SMOC1: variants seen among roughly 807,000 people sequenced by gnomAD.
The protein encoded by SMOC1 is SPARC related modular calcium binding 1.
SMOC1 carries 22 observed loss-of-function variants against 56.3 expected under a neutral mutation model. The observed-to-expected ratio is 0.39, with a 90% CI of 0.28 to 0.56. The LOEUF (loss-of-function observed/expected upper bound fraction) is 0.56, where lower values mean the gene tolerates loss of function less well. SMOC1 is among the 20% of genes least tolerant of loss of function. The probability of loss-of-function intolerance (pLI) is 0.61; values close to 1 mark genes in which losing one functional copy is unlikely to be tolerated. For synonymous variants in SMOC1, 193 were observed against 215.0 expected (o/e 0.90, Z 0.89); for missense variants, 509 against 565.4 (o/e 0.90, Z 1.01).
intron 1 of SMOC1, among the ~76,000 whole-genome samples, chr14:69,892,716 C>A (rs1883996044): frequency 6.6e-6 from 1 of 152,130 alleles, no homozygotes; most frequent in African/African-American, 2.4e-5. Context: ...TCAGATTATT[C>A]TGAAGCAAAT....
chr14:69,921,436 C>T lies in SMOC1; in HGVS notation c.100-30702C>T, dbSNP rs548999362. Among the ~76,000 whole-genome samples, 329 of 152,296 alleles carry T rather than the reference C, an allele frequency of 2.2e-3. 1 individual carries two copies. The highest frequency in any genetic ancestry group is 7.7e-3 in the African/African-American group (318 of 41,562). On this transcript the variant is annotated intron_variant, in intron 1 of 11. Transcript: ENST00000361956. ...CTATAAAATTGAATGTTGAGTTCTT[C>T]CCTATTCTGGGCCAAGTTTTTCAGC...
Position 69,980,197 on chromosome 14 carries a change from G to A in SMOC1, c.526+2232G>A, listed in dbSNP as rs1468833327. Among the ~76,000 whole-genome samples the A allele has an allele frequency of 3.9e-5, 6 of 152,174 alleles. No homozygotes were observed. The South Asian group carries it at 8.3e-4, about 21-fold the overall frequency. ...GGTCAGCTTCCAGAGCCAAAAGAGG[G>A]TAGAGGAGCCTGGTTCCTCCAGGGG... On this transcript the variant is annotated intron_variant, in intron 5 of 11. Transcript: ENST00000361956.
At chr14:69,984,829 C>G (rs542292420) in intron 5 of SMOC1, among the ~76,000 whole-genome samples, 5 of 150,056 alleles carry the variant, frequency 3.3e-5, no homozygotes, top group African/African-American at 1.2e-4. Context: ...TGCACTCCAG[C>G]CTGGATGACA....
chr14:70,018,467 G>C (rs1885598819), intron 10 of SMOC1, among the ~76,000 whole-genome samples: 1 of 152,158 alleles, frequency 6.6e-6, no homozygotes, highest in Non-Finnish European at 1.5e-5. Flanking sequence ...CAGGTGCGTG[G>C]GAGGGTGTGC....
At chr14:69,898,414 A>G (rs1884152545) in intron 1 of SMOC1, among the ~76,000 whole-genome samples, 1 of 150,870 alleles carries the variant, frequency 6.6e-6, no homozygotes, top group African/African-American at 2.4e-5. Context: ...TTCCCATTAT[A>G]CATGTTATAC....
chr14:69,891,955 A>G (rs1883973161), intron 1 of SMOC1, among the ~76,000 whole-genome samples: 1 of 152,144 alleles, frequency 6.6e-6, no homozygotes, highest in African/African-American at 2.4e-5. Context: ...TTTCTTTTGT[A>G]AATTACCTGC....
chr14:69,899,692 C>T (rs2148501), intron 1 of SMOC1, among the ~76,000 whole-genome samples: 102,234 of 152,130 alleles, frequency 0.67, 39,074 homozygotes, highest in East Asian at 0.91. Flanking sequence ...GGTAGGGCTC[C>T]TGGAGGTAAA....
chr14:69,935,150 G>A (rs554394102), intron 1 of SMOC1, among the ~76,000 whole-genome samples: 9 of 152,236 alleles, frequency 5.9e-5, no homozygotes, highest in African/African-American at 1.7e-4. Context: ...TGGAACTTCT[G>A]TACTAAAATA....
intron 1 of SMOC1, among the ~76,000 whole-genome samples, chr14:69,901,257 C>G (rs1001576657): frequency 1.3e-5 from 2 of 152,214 alleles, no homozygotes; most frequent in African/African-American, 4.8e-5. Flanking sequence ...TGCCCTCTGA[C>G]CATCTTTGTT....
chr14:70,012,953 G>A (rs1019173618), intron 9 of SMOC1, among the ~76,000 whole-genome samples: 1 of 152,162 alleles, frequency 6.6e-6, no homozygotes, highest in Non-Finnish European at 1.5e-5. Context: ...TGACCACTGG[G>A]GGTTCTCTCC....
intron 1 of SMOC1, among the ~76,000 whole-genome samples, chr14:69,933,668 C>A (rs997964165): frequency 1.3e-5 from 2 of 152,214 alleles, no homozygotes; most frequent in South Asian, 4.1e-4. Context: ...CAGGTGCACA[C>A]CACCACGCCT....
intron 1 of SMOC1, among the ~76,000 whole-genome samples, chr14:69,938,447 T>C (rs752624703): frequency 2.0e-5 from 3 of 152,006 alleles, no homozygotes; most frequent in Non-Finnish European, 4.4e-5. Flanking sequence ...TCCCGTGTAG[T>C]GGCGTCGTGA....
chr14:69,883,499 A>G (rs1460865874), intron 1 of SMOC1, among the ~76,000 whole-genome samples: 1 of 152,210 alleles, frequency 6.6e-6, no homozygotes. Context: ...TTGTGTATAT[A>G]TACCATATTT....
At chr14:69,980,569 G>A (rs1310747451) in intron 5 of SMOC1, among the ~76,000 whole-genome samples, 2 of 152,252 alleles carry the variant, frequency 1.3e-5, no homozygotes, top group Non-Finnish European at 2.9e-5. Flanking sequence ...ACCTGTCCAG[G>A]AAGCTGGGGT....
chr14:69,948,364 T>G (rs1338450738), intron 1 of SMOC1, among the ~76,000 whole-genome samples: 1 of 152,186 alleles, frequency 6.6e-6, no homozygotes, highest in East Asian at 1.9e-4. Context: ...GACCAGTAAT[T>G]TCTAGACAGG....
In SMOC1 at chr14:69,944,774, G is replaced by T. The variant is rs115161667; in HGVS notation, c.100-7364G>T. Among the ~76,000 whole-genome samples, 645 of 152,266 alleles carry T rather than the reference G, an allele frequency of 4.2e-3. 6 individuals are homozygous for T. The highest frequency in any genetic ancestry group is 0.015 in the African/African-American group (620 of 41,530). On this transcript the variant is annotated intron_variant, in intron 1 of 11. Coordinates refer to ENST00000361956, the MANE Select transcript of SMOC1 (RefSeq NM_001034852.3). ...TGGGTGAGATGACATCTCTGGGATG[G>T]TGGAAAGGCTTCCTGGAGGCTAAGG...
At chr14:70,008,459 A>T (rs1885219909) in intron 7 of SMOC1, among the ~76,000 whole-genome samples, 1 of 152,132 alleles carries the variant, frequency 6.6e-6, no homozygotes, top group Admixed American at 6.5e-5. Flanking sequence ...TTTATTCTCC[A>T]TGGAACTTCA....
intron 1 of SMOC1, among the ~76,000 whole-genome samples, chr14:69,902,600 CCT>C (rs968836718): frequency 1.3e-5 from 2 of 151,978 alleles, no homozygotes; most frequent in African/African-American, 4.8e-5. Flanking sequence ...ACCATCTAGC[CCT>C]CTCCCTCTCC....
intron 5 of SMOC1, 121 bp from the exon 6 acceptor site, chr14:69,992,296 T>A (rs1025389423): frequency 1.2e-6 from 1 of 852,662 alleles, no homozygotes; most frequent in African/African-American, 1.7e-5. Context: ...TTCTTTGTTC[T>A]CTTCACTGGG....
Sources: gnomAD v4.1 joint callset for allele counts (sites outside exome capture counted in the v4.1 genomes callset) on GRCh38, gnomAD v4.1.1 for gene constraint, MANE v1.5 for transcripts, NCBI Gene and HGNC (gene_info 2026-07-23, HGNC 2026-07-21) for gene names.